PTPRD: variants seen among roughly 807,000 people sequenced by gnomAD.
PTPRD encodes the protein receptor-type tyrosine-protein phosphatase delta.
Under a neutral mutation model 214.5 loss-of-function variants are expected in PTPRD, and 34 were observed. The ratio of observed to expected loss-of-function variants is 0.16; its 90% CI spans 0.12 to 0.21. The LOEUF is 0.21. Ranked by LOEUF, PTPRD falls within the 10% of genes least tolerant of loss-of-function variation. PTPRD has a pLI of 1.00. For synonymous variants in PTPRD, 1,128 were observed against 845.7 expected, an observed-to-expected ratio of 1.33 and a Z score of -5.79; for missense variants, 2,545 against 2,398.7, an observed-to-expected ratio of 1.06 and a Z score of -1.27.
intron 11 of PTPRD, among the ~76,000 whole-genome samples, chr9:8,749,339 C>G (rs911134856): frequency 1.3e-5 from 2 of 152,102 alleles, no homozygotes; most frequent in African/African-American, 4.8e-5. Context: ...AGGCAGGTAC[C>G]ACCATGCCCA....
At chr9:10,047,312 C>CTGTGTGTGTGTGTGTG (rs56257525) in intron 3 of PTPRD, among the ~76,000 whole-genome samples, 14 of 138,690 alleles carry the variant, frequency 1.0e-4, no homozygotes, top group African/African-American at 2.7e-4. Flanking sequence ...AATCAACTAA[C>CTGTGTGTGTGTGTGTG]TGTGTGTGTG....
chr9:10,357,288 C>A (rs762591737), intron 2 of PTPRD, among the ~76,000 whole-genome samples: 3 of 152,066 alleles, frequency 2.0e-5, no homozygotes, highest in African/African-American at 7.2e-5. Flanking sequence ...TTGATTTAAC[C>A]ATCACAAAAC....
intron 39 of PTPRD, among the ~76,000 whole-genome samples, chr9:8,358,988 G>T (rs975359536): frequency 4.0e-5 from 6 of 149,256 alleles, no homozygotes; most frequent in African/African-American, 1.5e-4. Context: ...GGCGCCTGTA[G>T]TCCCAGCTAC....
chr9:8,487,152 G>A (rs1443057560), intron 27 of PTPRD, among the ~76,000 whole-genome samples: 1 of 152,096 alleles, frequency 6.6e-6, no homozygotes, highest in African/African-American at 2.4e-5. Context: ...AATAATAAAT[G>A]AGGAAATTCA....
At chr9:10,025,159 C>G (rs1372154542) in intron 4 of PTPRD, among the ~76,000 whole-genome samples, 1 of 152,058 alleles carries the variant, frequency 6.6e-6, no homozygotes, top group Non-Finnish European at 1.5e-5. Flanking sequence ...AATGGGATGG[C>G]TAGGTCAAAT....
intron 7 of PTPRD, among the ~76,000 whole-genome samples, chr9:9,586,875 A>G (rs561996733): frequency 6.6e-6 from 1 of 152,068 alleles, no homozygotes; most frequent in South Asian, 2.1e-4. Flanking sequence ...GTGTTTGAAG[A>G]AGTAATTGGT....
chr9:9,201,940 T>C (rs996494459), intron 9 of PTPRD, among the ~76,000 whole-genome samples: 1 of 152,102 alleles, frequency 6.6e-6, no homozygotes, highest in African/African-American at 2.4e-5. Flanking sequence ...ATTTAGGAAA[T>C]GAAACACTAA....
intron 11 of PTPRD, among the ~76,000 whole-genome samples, chr9:8,815,631 A>G (rs1234510326): frequency 6.6e-6 from 1 of 152,206 alleles, no homozygotes; most frequent in Non-Finnish European, 1.5e-5. Flanking sequence ...AATCTTTAAA[A>G]TATTCCCATC....
rs537338169 is a variant in PTPRD at position 10,232,808 on chromosome 9, T to C, written c.-545+108155A>G. On this transcript the variant is annotated intron_variant, in intron 3 of 45. Coordinates refer to ENST00000381196, the MANE Select transcript of PTPRD (RefSeq NM_002839.4). ...TTAATTGCTCTGCTGAAAAAGAAACTCAACTCACACAAAACAGGGCCAACC... is the reference window on the plus strand; with the variant it reads ...TTAATTGCTCTGCTGAAAAAGAAACCCAACTCACACAAAACAGGGCCAACC... Among the ~76,000 whole-genome samples, 4 of 152,040 alleles carry C rather than the reference T, an allele frequency of 2.6e-5. No individual in the cohort carries two copies. In the South Asian group the frequency reaches 8.3e-4, roughly 32 times the overall value.
In PTPRD at chr9:8,931,432, C is replaced by G. The variant is rs1227907408; in HGVS notation, c.-104+87265G>C. On this transcript the variant is annotated intron_variant, in intron 11 of 45. Transcript: ENST00000381196. ...CTTTGTTCTTTTGGCTTAGGATTGA[C>G]TTGGTAATGCGGGCTCTTTTTTGGT... is the stretch of plus-strand genomic sequence containing the variant. Among the ~76,000 whole-genome samples the G allele has an allele frequency of 2.0e-5, 3 of 152,214 alleles. No homozygotes were observed. In the South Asian group the frequency reaches 6.2e-4, roughly 32 times the overall value.
intron 5 of PTPRD, among the ~76,000 whole-genome samples, chr9:9,784,127 A>T (rs1342672120): frequency 6.6e-6 from 1 of 152,150 alleles, no homozygotes; most frequent in South Asian, 2.1e-4. Flanking sequence ...AAGCAAAGCC[A>T]TATTTGCTGT....
intron 7 of PTPRD, among the ~76,000 whole-genome samples, chr9:9,577,965 G>A (rs2089489363): frequency 7.5e-6 from 1 of 133,518 alleles, no homozygotes. Flanking sequence ...AGAATAGCTT[G>A]AACCCAGGAG....
At chr9:8,335,468 A>C (rs1425865422) in intron 43 of PTPRD, among the ~76,000 whole-genome samples, 1 of 152,174 alleles carries the variant, frequency 6.6e-6, no homozygotes, top group Non-Finnish European at 1.5e-5. Flanking sequence ...ACTCTCAATA[A>C]ACTAGGTACT....
intron 8 of PTPRD, among the ~76,000 whole-genome samples, chr9:9,407,535 C>T (rs1458746098): frequency 3.3e-5 from 5 of 151,618 alleles, no homozygotes; most frequent in African/African-American, 1.2e-4. Flanking sequence ...AATTTTTGTC[C>T]TATCCTAAAT....
At chr9:9,809,009 T>C (rs1260328660) in intron 5 of PTPRD, among the ~76,000 whole-genome samples, 2 of 151,496 alleles carry the variant, frequency 1.3e-5, no homozygotes, top group Non-Finnish European at 2.9e-5. Context: ...TAGTCTCAAA[T>C]TTTTAGCCTC....
intron 8 of PTPRD, among the ~76,000 whole-genome samples, chr9:9,508,167 A>C (rs1463853067): frequency 2.0e-5 from 3 of 151,552 alleles, no homozygotes; most frequent in Non-Finnish European, 4.4e-5. Flanking sequence ...TACACATACA[A>C]TCATATTTCC....
chr9:10,049,176 C>T (rs540081937), intron 3 of PTPRD, among the ~76,000 whole-genome samples: 9 of 152,018 alleles, frequency 5.9e-5, no homozygotes, highest in Admixed American at 2.6e-4. Context: ...GTGGCGTTTG[C>T]GGAAAAAGGA....
chr9:8,347,414 G>A (rs557795093), intron 39 of PTPRD, among the ~76,000 whole-genome samples: 1 of 152,138 alleles, frequency 6.6e-6, no homozygotes, highest in Non-Finnish European at 1.5e-5. Context: ...AAGAAGGAAT[G>A]AGCAGAACAA....
chr9:9,487,438 ATTTTCTT>A (rs1306195717), intron 8 of PTPRD, among the ~76,000 whole-genome samples: 5 of 151,914 alleles, frequency 3.3e-5, no homozygotes, highest in Non-Finnish European at 2.9e-5. Flanking sequence ...TATGTGCCAC[ATTTTCTT>A]AATCCAGTCT....
Sources: allele counts gnomAD v4.1 joint callset (sites outside exome capture counted in the v4.1 genomes callset), GRCh38; gene constraint gnomAD v4.1.1; transcripts MANE v1.5; gene names NCBI Gene and HGNC (gene_info 2026-07-23, HGNC 2026-07-21).